ITPR2: variants seen among roughly 807,000 people sequenced by gnomAD.
The protein encoded by ITPR2 is inositol 1,4,5-trisphosphate-gated calcium channel ITPR2.
In ITPR2, 207 loss-of-function variants were observed where a neutral mutation model predicts 317.1. The ratio of observed to expected loss-of-function variants is 0.65; its 90% CI spans 0.58 to 0.73. The LOEUF is 0.73. Among genes scored for constraint, ITPR2 ranks in the 30% least tolerant of loss-of-function variants. The probability of loss-of-function intolerance (pLI) is 0.00; values close to 1 mark genes in which losing one functional copy is unlikely to be tolerated. For synonymous variants in ITPR2, 1,156 were observed against 1,149.1 expected, an observed-to-expected ratio of 1.01 and a Z score of -0.12; for missense variants, 2,613 against 3,284.0, an observed-to-expected ratio of 0.80 and a Z score of 4.99.
intron 54 of ITPR2, among the ~76,000 whole-genome samples, chr12:26,394,064 T>C (rs916041864): frequency 4.6e-5 from 7 of 152,220 alleles, no homozygotes; most frequent in African/African-American, 7.2e-5. Flanking sequence ...TTAACATGTG[T>C]TGAGGGCAGA....
chr12:26,344,517 C>T (rs962580147), intron 55 of ITPR2, among the ~76,000 whole-genome samples: 1 of 152,130 alleles, frequency 6.6e-6, no homozygotes, highest in African/African-American at 2.4e-5. Context: ...AAGTTGCCTC[C>T]AAAGAAACAC....
rs891657026 is a variant in ITPR2 at position 26,647,866 on chromosome 12, C to A, written c.2740+6110G>T. On this transcript the variant is annotated intron_variant, in intron 21 of 56. Transcript: ENST00000381340. ...ACAGCAGTGCCAGCTCCCTGTGTCT[C>A]CATATGAGCAAGCCTCAATCATTTT... Among the ~76,000 whole-genome samples the A allele has an allele frequency of 5.3e-5, 8 of 152,324 alleles. No homozygotes were observed. In the East Asian group the frequency reaches 1.3e-3, roughly 26 times the overall value.
At chr12:26,797,229 T>C (rs999947631) in intron 1 of ITPR2, among the ~76,000 whole-genome samples, 2 of 152,168 alleles carry the variant, frequency 1.3e-5, no homozygotes, top group African/African-American at 4.8e-5. Context: ...TAGGCTACAC[T>C]AAACAGCATA....
intron 50 of ITPR2, among the ~76,000 whole-genome samples, chr12:26,417,384 GC>G (rs1940751976): frequency 6.6e-6 from 1 of 152,082 alleles, no homozygotes; most frequent in Non-Finnish European, 1.5e-5. Flanking sequence ...ATATGGTTTG[GC>G]TCTGTGTCTC....
intron 2 of ITPR2, among the ~76,000 whole-genome samples, chr12:26,781,651 G>T (rs1950079150): frequency 6.6e-6 from 1 of 152,058 alleles, no homozygotes. Flanking sequence ...AATACTGAGT[G>T]TCAACTTGAT....
chr12:26,375,866 A>G (rs1010334410), intron 55 of ITPR2, among the ~76,000 whole-genome samples: 4 of 152,230 alleles, frequency 2.6e-5, no homozygotes, highest in African/African-American at 9.7e-5. Flanking sequence ...TGGAAGGCCA[A>G]TGTGGGCAGA....
intron 28 of ITPR2, 128 bp from the exon 29 acceptor site, chr12:26,600,237 T>C: frequency 1.4e-6 from 1 of 700,394 alleles, no homozygotes; most frequent in South Asian, 2.4e-5. Flanking sequence ...CTCTGTGTCC[T>C]TTATGTTTCA....
chr12:26,472,536 A>G (rs75915751), intron 45 of ITPR2, among the ~76,000 whole-genome samples: 1 of 151,792 alleles, frequency 6.6e-6, no homozygotes, highest in East Asian at 1.9e-4. Context: ...TCATTTTCAC[A>G]TCATTGATAT....
At chr12:26,378,727 G>A (rs552433972) in intron 55 of ITPR2, among the ~76,000 whole-genome samples, 3 of 152,136 alleles carry the variant, frequency 2.0e-5, no homozygotes, top group South Asian at 2.1e-4. Context: ...GTAAATACTC[G>A]TCAAATTAAA....
intron 49 of ITPR2, among the ~76,000 whole-genome samples, chr12:26,426,130 G>C (rs1400020503): frequency 6.6e-6 from 1 of 152,004 alleles, no homozygotes; most frequent in Non-Finnish European, 1.5e-5. Context: ...CAGAGGCCCA[G>C]TAAATGATTA....
chr12:26,541,062 C>T (rs1027549945), intron 37 of ITPR2, among the ~76,000 whole-genome samples: 19 of 149,590 alleles, frequency 1.3e-4, no homozygotes, highest in Admixed American at 1.0e-3. Flanking sequence ...AATCCCAGCA[C>T]TTTGGGAGGC....
rs754702262 is a variant in ITPR2 at position 26,621,089 on chromosome 12, T to C, written c.3462+34A>G. The stretch of plus-strand genomic sequence containing the variant: ...TATATATCTGACTTAAAAGACATCA[T>C]TGGGAGTATTTCGAAATAGATCTTG... On this transcript the variant is annotated intron_variant, in intron 26 of 56. Coordinates refer to ENST00000381340, the MANE Select transcript of ITPR2 (RefSeq NM_002223.4). The C allele has an allele frequency of 2.0e-5, 31 of 1,567,204 alleles. No individual in the cohort carries two copies. The South Asian group carries it at 3.2e-4, about 16-fold the overall frequency.
intron 45 of ITPR2, among the ~76,000 whole-genome samples, chr12:26,446,827 C>A (rs1377394570): frequency 6.7e-6 from 1 of 150,046 alleles, no homozygotes; most frequent in Non-Finnish European, 1.5e-5. Flanking sequence ...GCCATCTATA[C>A]ATATCTTTGA....
chr12:26,490,020 C>A (rs1217588197), intron 39 of ITPR2, among the ~76,000 whole-genome samples: 1 of 152,170 alleles, frequency 6.6e-6, no homozygotes, highest in Admixed American at 6.5e-5. Context: ...CAATGTGAGA[C>A]ATCCGAGTAG....
At chr12:26,784,933 TGAGGAGCGTCTCTGC>T (rs1259478700) in intron 2 of ITPR2, among the ~76,000 whole-genome samples, 1 of 14,668 alleles carries the variant, frequency 6.8e-5, no homozygotes, top group Non-Finnish European at 1.7e-4. Flanking sequence ...ATCTAGGAAG[TGAGGAGCGTCTCTGC>T]CCCGCCGCCC....
intron 21 of ITPR2, among the ~76,000 whole-genome samples, chr12:26,634,884 CAAAAAAA>C (rs55985706): frequency 3.4e-5 from 2 of 58,544 alleles, no homozygotes; most frequent in Non-Finnish European, 6.1e-5. Context: ...GACTTCATCT[CAAAAAAA>C]AAAAAAAAAA....
intron 52 of ITPR2, among the ~76,000 whole-genome samples, chr12:26,410,447 G>T (rs1039422251): frequency 6.6e-6 from 1 of 152,106 alleles, no homozygotes; most frequent in African/African-American, 2.4e-5. Flanking sequence ...CAAGGAAAAG[G>T]CCGTTTAGGA....
intron 1 of ITPR2, among the ~76,000 whole-genome samples, chr12:26,814,296 G>A (rs1452713107): frequency 6.6e-6 from 1 of 152,068 alleles, no homozygotes; most frequent in Non-Finnish European, 1.5e-5. Flanking sequence ...TTCTCTTTTG[G>A]GGTGAAAATT....
intron 1 of ITPR2, among the ~76,000 whole-genome samples, chr12:26,791,278 AG>A (rs1950335507): frequency 6.6e-6 from 1 of 152,166 alleles, no homozygotes; most frequent in Non-Finnish European, 1.5e-5. Flanking sequence ...GTGAATACCC[AG>A]GTTTTTTTCC....
Sources: allele counts gnomAD v4.1 joint callset (sites outside exome capture counted in the v4.1 genomes callset), GRCh38; gene constraint gnomAD v4.1.1; transcripts MANE v1.5; gene names NCBI Gene and HGNC (gene_info 2026-07-23, HGNC 2026-07-21).